The following TTLL11 variants were observed in gnomAD, a reference collection of about 807,000 sequenced individuals.
TTLL11 encodes the protein tubulin polyglutamylase TTLL11.
Under a neutral mutation model 51.7 loss-of-function variants are expected in TTLL11, and 42 were observed. The observed-to-expected ratio is 0.81, with a 90% CI of 0.64 to 1.05. The LOEUF is 1.05. TTLL11 is among the 50% of genes least tolerant of loss of function. The pLI is 0.00. For missense variants in TTLL11, 799 were observed against 940.4 expected (o/e 0.85, Z 1.97); for synonymous variants, 381 against 383.5 (o/e 0.99, Z 0.08).
chr9:121,943,967 C>T (rs1841579516), intron 6 of TTLL11, among the ~76,000 whole-genome samples: 1 of 152,152 alleles, frequency 6.6e-6, no homozygotes, highest in Middle Eastern at 3.2e-3. Context: ...AAACTCAATC[C>T]TTGTATTATG....
At chr9:121,921,273 G>A (rs1840532392) in intron 6 of TTLL11, among the ~76,000 whole-genome samples, 1 of 152,138 alleles carries the variant, frequency 6.6e-6, no homozygotes, top group African/African-American at 2.4e-5. Flanking sequence ...TGAGTTTCAT[G>A]CCTGTTTTGT....
chr9:121,950,549 C>G (rs534933306), intron 6 of TTLL11, among the ~76,000 whole-genome samples: 9 of 152,288 alleles, frequency 5.9e-5, no homozygotes, highest in African/African-American at 2.2e-4. Context: ...AGAGTCTGAC[C>G]TGAGGCCAGC....
At chr9:122,011,894 T>C (rs1225187742) in intron 3 of TTLL11, among the ~76,000 whole-genome samples, 1 of 152,196 alleles carries the variant, frequency 6.6e-6, no homozygotes, top group East Asian at 1.9e-4. Flanking sequence ...ATTCTTCTAA[T>C]CCTTCTAGCA....
intron 6 of TTLL11, among the ~76,000 whole-genome samples, chr9:121,905,729 C>T (rs1839921680): frequency 6.6e-6 from 1 of 152,178 alleles, no homozygotes; most frequent in Non-Finnish European, 1.5e-5. Context: ...GACAGAATGA[C>T]AATCCCTCAA....
intron 1 of TTLL11, among the ~76,000 whole-genome samples, chr9:122,084,137 T>G (rs1681218683): frequency 6.6e-6 from 1 of 152,168 alleles, no homozygotes; most frequent in Admixed American, 6.5e-5. Context: ...AAAACTGGCC[T>G]TCATCAGAGT....
At chr9:121,934,650 T>C (rs562697030) in intron 6 of TTLL11, among the ~76,000 whole-genome samples, 2 of 152,310 alleles carry the variant, frequency 1.3e-5, no homozygotes, top group Admixed American at 6.5e-5. Context: ...GTTCTTTCCA[T>C]GAAAAACATT....
chr9:122,061,181 T>C (rs1335777987), intron 1 of TTLL11, among the ~76,000 whole-genome samples: 1 of 152,142 alleles, frequency 6.6e-6, no homozygotes, highest in South Asian at 2.1e-4. Flanking sequence ...CTTTTCTGTC[T>C]CTTATAAAGA....
In TTLL11 at chr9:122,092,802, G is replaced by A. The variant is rs186970647; in HGVS notation, c.347C>T (p.Ser116Leu). The change falls in exon 1 of 9, where the codon TCG becomes TTG. Residue 116 changes from serine (S) to leucine (L), a missense_variant. Ser to Leu is a moderately radical substitution (Grantham distance 145, BLOSUM62 -2). This residue lies in a region of TTLL11 where 468 missense variants were observed against 612.8 expected (regional missense o/e 0.76). Transcript: ENST00000321582. ...RDKGRSCKRS[S>L]GHGSGENGSQ... ...GCCGTTCTCGCCGGAACCGTGGCCC[G>A]AGCTCCGCTTGCAGCTTCGGCCCTT... 57 of 1,545,182 alleles carry A rather than the reference G, an allele frequency of 3.7e-5. No individual in the cohort carries two copies. The East Asian group carries it at 1.2e-3, about 32-fold the overall frequency.
rs150412113 is a variant in TTLL11, at chr9:121,819,706, C to G, written c.*2881G>C. On this transcript the variant is annotated 3_prime_UTR_variant, in exon 9 of 9. Coordinates refer to ENST00000321582, the MANE Select transcript of TTLL11 (RefSeq NM_001139442.2). ...CCTGCAGCAAAGCACAGGGGCTGCC[C>G]AGCTATGTGTGCCGTGCCTCTGGGC... Among the ~76,000 whole-genome samples the G allele has an allele frequency of 2.6e-3, 401 of 152,152 alleles. 2 individuals carry two copies. The highest frequency in any genetic ancestry group is 9.2e-3 in the African/African-American group (380 of 41,502).
At chr9:121,976,213 C>G (rs537184118) in intron 4 of TTLL11, among the ~76,000 whole-genome samples, 2 of 152,216 alleles carry the variant, frequency 1.3e-5, no homozygotes, top group African/African-American at 4.8e-5. Context: ...GTCTGCTTCA[C>G]GCCTGCTCTT....
rs142216012 is a variant in TTLL11 at position 121,915,415 on chromosome 9, G to A, written c.1482-44667C>T. Among the ~76,000 whole-genome samples, 902 of 152,276 alleles carry A rather than the reference G, an allele frequency of 5.9e-3. 5 individuals carry two copies. Among genetic ancestry groups the A allele is most frequent in the Admixed American group, 0.028 (422 of 15,294 alleles). On this transcript the variant is annotated intron_variant, in intron 6 of 8. Coordinates refer to ENST00000321582, the MANE Select transcript of TTLL11 (RefSeq NM_001139442.2). ...CATGTGCACATTTGCCAGCAGACAGGACACCTCCCAAAGTTAGTTCCGCTT... is the reference window on the plus strand; with the variant it reads ...CATGTGCACATTTGCCAGCAGACAGAACACCTCCCAAAGTTAGTTCCGCTT...
In TTLL11 at chr9:121,956,248, G is replaced by C. The variant is rs75752014; in HGVS notation, c.1481+17761C>G. ...GAAAACCAGCTGGAAGAGCATGAAA[G>C]GGGGAGAAAAAAACCTGCAACTTTC... On this transcript the variant is annotated intron_variant, in intron 6 of 8. Coordinates refer to ENST00000321582, the MANE Select transcript of TTLL11 (RefSeq NM_001139442.2). Among the ~76,000 whole-genome samples, 829 of 150,584 alleles carry C rather than the reference G, an allele frequency of 5.5e-3. 55 individuals carry two copies. In the East Asian group the frequency reaches 0.13, roughly 23 times the overall value.
chr9:121,963,642 C>T (rs1842307855), intron 6 of TTLL11: 1 of 152,168 alleles, frequency 6.6e-6, no homozygotes, highest in African/African-American at 2.4e-5. Flanking sequence ...TGTCTGATGG[C>T]CCTGTGGAAT....
At chr9:121,981,966 T>C (rs955445045) in intron 4 of TTLL11, among the ~76,000 whole-genome samples, 4 of 152,186 alleles carry the variant, frequency 2.6e-5, no homozygotes, top group Admixed American at 2.6e-4. Context: ...TAACCCTCCA[T>C]ATATGCATGG....
At chr9:122,010,941 T>A (rs757041684) in intron 3 of TTLL11, among the ~76,000 whole-genome samples, 3 of 152,224 alleles carry the variant, frequency 2.0e-5, no homozygotes, top group Non-Finnish European at 2.9e-5. Flanking sequence ...GGCATGGCAC[T>A]TGAACTCTCT....
chr9:122,091,659 C>A (rs145542641), intron 1 of TTLL11, among the ~76,000 whole-genome samples: 45 of 152,338 alleles, frequency 3.0e-4, no homozygotes, highest in Non-Finnish European at 5.9e-4. Flanking sequence ...AGGCACAGGG[C>A]TAAGAACCTG....
At chr9:122,012,971 C>T (rs1000775969) in intron 3 of TTLL11, among the ~76,000 whole-genome samples, 1 of 152,204 alleles carries the variant, frequency 6.6e-6, no homozygotes, top group Non-Finnish European at 1.5e-5. Flanking sequence ...ACCTGAGGGT[C>T]CCCTTTGTGT....
intron 1 of TTLL11, among the ~76,000 whole-genome samples, chr9:122,061,812 A>G (rs1190925859): frequency 2.0e-5 from 3 of 151,884 alleles, no homozygotes; most frequent in Non-Finnish European, 4.4e-5. Flanking sequence ...TAATTTTTGT[A>G]TTTTTAGTAG....
chr9:122,002,063 C>A (rs181773828), intron 3 of TTLL11, among the ~76,000 whole-genome samples: 1 of 152,314 alleles, frequency 6.6e-6, no homozygotes, highest in African/African-American at 2.4e-5. Flanking sequence ...TTCCTTAAAT[C>A]AACACTGCCT....
Sources: allele counts gnomAD v4.1 joint callset (sites outside exome capture counted in the v4.1 genomes callset), GRCh38; gene constraint gnomAD v4.1.1; regional missense constraint gnomAD v4.1.1; transcripts MANE v1.5; gene names NCBI Gene and HGNC (gene_info 2026-07-23, HGNC 2026-07-21).